The following PCDHGB2 variants were observed in gnomAD, a reference collection of about 807,000 sequenced individuals.
The protein encoded by PCDHGB2 is protocadherin gamma subfamily B, 2.
In PCDHGB2, 55 loss-of-function variants were observed where a neutral mutation model predicts 59.3. The observed-to-expected ratio is 0.93, with a 90% CI of 0.75 to 1.16. The LOEUF is 1.16. Ranked by LOEUF, PCDHGB2 falls within the 50% of genes most tolerant of loss-of-function variation. PCDHGB2 has a pLI of 0.00. For synonymous variants in PCDHGB2, 516 were observed against 512.0 expected (o/e 1.01, Z -0.11); for missense variants, 1,228 against 1,198.5 (o/e 1.02, Z -0.36).
At chr5:141,375,557 G>T (rs1160596322) in intron 1 of PCDHGB2, 1 of 1,613,988 alleles carries the variant, frequency 6.2e-7, no homozygotes, top group Admixed American at 1.7e-5. Context: ...CTACTCACTG[G>T]CAGAAGACAC....
At chr5:141,390,138 CTA>C (rs770679519) in intron 1 of PCDHGB2, 6 of 1,613,938 alleles carry the variant, frequency 3.7e-6, no homozygotes, top group Non-Finnish European at 5.1e-6. Flanking sequence ...TTCCTACAAT[CTA>C]TGTGTTGCAC....
chr5:141,487,275 G>T lies in PCDHGB2; in HGVS notation c.2422-7532G>T, dbSNP rs747253888. 2.5e-6 allele frequency: 4 copies of T among 1,614,158 alleles called. No homozygotes were observed. The highest frequency in any genetic ancestry group is 1.1e-5 in the South Asian group (1 of 91,074). On this transcript the variant is annotated intron_variant, in intron 1 of 3. Coordinates refer to ENST00000522605, the MANE Select transcript of PCDHGB2 (RefSeq NM_018923.3). The surrounding 1 kb of genome is among the most constrained non-coding windows in gnomAD (Gnocchi z 5.0). ...TTGGCTGTGTCCCTAGTGGCAATTT[G>T]CTTTGTCTCCTTTGGCTCATTCGTG...
At chr5:141,403,708 T>C (rs1265644591) in intron 1 of PCDHGB2, 2 of 1,613,906 alleles carry the variant, frequency 1.2e-6, no homozygotes, top group South Asian at 1.1e-5. Flanking sequence ...TTAAAGTCCT[T>C]GAGAACGTGC....
At chr5:141,387,967 C>G in intron 1 of PCDHGB2, 1 of 1,489,226 alleles carries the variant, frequency 6.7e-7, no homozygotes, top group Non-Finnish European at 9.0e-7. Flanking sequence ...TTCTGCCCGG[C>G]GCTCTGTGAG....
intron 1 of PCDHGB2, chr5:141,427,267 A>C (rs1361287845): frequency 6.6e-6 from 3 of 456,648 alleles, no homozygotes; most frequent in Non-Finnish European, 1.3e-5. Flanking sequence ...ATGACCAGCG[A>C]ATGTAAAATT....
At chr5:141,389,413 G>A in intron 1 of PCDHGB2, 1 of 1,613,608 alleles carries the variant, frequency 6.2e-7, no homozygotes, top group South Asian at 1.1e-5. Flanking sequence ...GCGGAGAGCG[G>A]GGTGGTGTTC....
At chr5:141,503,620 A>C (rs1475731896) in intron 2 of PCDHGB2, among the ~76,000 whole-genome samples, 1 of 152,026 alleles carries the variant, frequency 6.6e-6, no homozygotes, top group East Asian at 1.9e-4. Flanking sequence ...AAAAAGAAAA[A>C]AGAAAAGAAA....
chr5:141,463,596 C>T (rs922480221), intron 1 of PCDHGB2, among the ~76,000 whole-genome samples: 5 of 151,874 alleles, frequency 3.3e-5, no homozygotes, highest in Admixed American at 2.0e-4. Flanking sequence ...CTACAGGTGC[C>T]TGCCACCATG....
chr5:141,400,728 T>G (rs1293655070), intron 1 of PCDHGB2: 2 of 648,072 alleles, frequency 3.1e-6, no homozygotes, highest in Non-Finnish European at 5.2e-6. Flanking sequence ...ATTTACAAAG[T>G]AGTGAGAGTT....
intron 1 of PCDHGB2, chr5:141,402,820 C>T: frequency 1.6e-6 from 2 of 1,288,164 alleles, no homozygotes; most frequent in Admixed American, 3.0e-5. Context: ...CACAAACCTG[C>T]TCCCAGGCTG....
chr5:141,364,815 T>C, intron 1 of PCDHGB2: 1 of 1,613,998 alleles, frequency 6.2e-7, no homozygotes, highest in South Asian at 1.1e-5. Context: ...GATGCGGATG[T>C]GGGTGTGAAC....
intron 1 of PCDHGB2, chr5:141,471,515 T>C (rs931181988): frequency 2.6e-5 from 4 of 152,276 alleles, no homozygotes; most frequent in African/African-American, 9.6e-5. Context: ...GGAGTAAAAA[T>C]AACAGCGAGG....
At chr5:141,417,256 C>G (rs985322130) in intron 1 of PCDHGB2, 1 of 152,096 alleles carries the variant, frequency 6.6e-6, no homozygotes, top group Non-Finnish European at 1.5e-5. Flanking sequence ...CTTCCAGCTT[C>G]ATAGATAATT....
chr5:141,423,132 C>T (rs375287728), intron 1 of PCDHGB2: 41 of 1,613,540 alleles, frequency 2.5e-5, no homozygotes, highest in Non-Finnish European at 3.3e-5. Flanking sequence ...CACTGCTGGA[C>T]AGAGACGCGC....
At chr5:141,393,632 C>T (rs1477463079) in intron 1 of PCDHGB2, 1 of 1,613,930 alleles carries the variant, frequency 6.2e-7, no homozygotes, top group Non-Finnish European at 8.5e-7. Context: ...ATGAGGGAAT[C>T]AACGGAAAAG....
At chr5:141,388,376 C>T in intron 1 of PCDHGB2, 3 of 1,613,944 alleles carry the variant, frequency 1.9e-6, no homozygotes, top group Non-Finnish European at 2.5e-6. Context: ...ATATTGGTAG[C>T]AACACACTGC....
intron 1 of PCDHGB2, chr5:141,405,407 CTT>C (rs762612492): frequency 6.3e-7 from 1 of 1,581,924 alleles, no homozygotes; most frequent in African/African-American, 1.4e-5. Flanking sequence ...TCTTTCTTTT[CTT>C]TTTTTGTTTT....
chr5:141,388,426 T>C, intron 1 of PCDHGB2: 1 of 1,613,864 alleles, frequency 6.2e-7, no homozygotes, highest in Non-Finnish European at 8.5e-7. Context: ...TTCTCACTGA[T>C]AAATAAAGAG....
Position 141,486,314 on chromosome 5 carries a change from T to C in PCDHGB2, c.2422-8493T>C, listed in dbSNP as rs775833520. The C allele has an allele frequency of 4.5e-5, 72 of 1,613,758 alleles. No homozygotes were observed. The highest frequency in any genetic ancestry group is 5.9e-5 in the Non-Finnish European group (70 of 1,179,984). On this transcript the variant is annotated intron_variant, in intron 1 of 3. Transcript: ENST00000522605. This position sits in a 1 kb window ranked among gnomAD's most constrained non-coding sequence, Gnocchi z 5.0. ...CAGTGTGCAGGATCCAGACTCAGGG[T>C]CAAACGGAGATGTGAGCCTCCGCAT...
Sources: allele counts gnomAD v4.1 joint callset (sites outside exome capture counted in the v4.1 genomes callset), GRCh38; gene constraint gnomAD v4.1.1; non-coding constraint Gnocchi (gnomAD v3.1); transcripts MANE v1.5; gene names NCBI Gene and HGNC (gene_info 2026-07-23, HGNC 2026-07-21).